CTSO: variants seen among roughly 807,000 people sequenced by gnomAD.
The protein encoded by CTSO is cathepsin O.
In CTSO, 40 loss-of-function variants were observed where a neutral mutation model predicts 42.4. The ratio of observed to expected loss-of-function variants is 0.94; its 90% CI spans 0.73 to 1.23. CTSO has a LOEUF of 1.23. CTSO is among the 50% of genes most tolerant of loss of function. The probability of loss-of-function intolerance (pLI) is 0.00; values close to 1 mark genes in which losing one functional copy is unlikely to be tolerated. For synonymous variants in CTSO, 156 were observed against 146.2 expected, an observed-to-expected ratio of 1.07 and a Z score of -0.48; for missense variants, 441 against 396.0, an observed-to-expected ratio of 1.11 and a Z score of -0.96.
At chr4:155,928,651 T>C (rs1269765668) in intron 6 of CTSO, among the ~76,000 whole-genome samples, 1 of 152,180 alleles carries the variant, frequency 6.6e-6, no homozygotes, top group Non-Finnish European at 1.5e-5. Context: ...TTGAATTCAC[T>C]TCCCTTTATA....
At position 155,942,467 on chromosome 4, in the gene CTSO, A is replaced by T; in HGVS notation, c.245-11T>A. On this transcript the variant is annotated splice_polypyrimidine_tract_variant and intron_variant, in intron 2 of 7. Transcript: ENST00000433477. ...TTCTTAAATAAATGGCTGAGTAGAAACATAAAATGAAAATACAACCAATAT... is the reference window on the plus strand; with the variant it reads ...TTCTTAAATAAATGGCTGAGTAGAATCATAAAATGAAAATACAACCAATAT... 2 of 1,463,222 alleles carry T rather than the reference A, an allele frequency of 1.4e-6. No individual in the cohort carries two copies. Among genetic ancestry groups the T allele is most frequent in the Non-Finnish European group, 1.8e-6 (2 of 1,101,270 alleles). 90.6% of individuals were successfully genotyped at this position (1,463,222 alleles called of 1,614,324 possible). A position where few individuals can be genotyped will look rare whatever the true frequency, so the allele number is the denominator to read the frequency against.
At position 155,939,467 on chromosome 4, in the gene CTSO, C is replaced by T; in HGVS notation, c.456G>A (p.Leu152=). 1 of 1,614,112 alleles carries T rather than the reference C, an allele frequency of 6.2e-7. No homozygotes were observed. Among genetic ancestry groups the T allele is most frequent in the South Asian group, 1.1e-5 (1 of 91,084 alleles). Residue 152 remains leucine, a synonymous_variant, in exon 4 of 8, where the codon CTG becomes CTA. Coordinates refer to ENST00000433477, the MANE Select transcript of CTSO (RefSeq NM_001334.3). ...ESAYAIKGKP[L]EDLSVQQVID... is the part of the protein sequence containing the mutation. ...TGACCTGCTGGACACTTAGGTCTTC[C>T]AGGGGCTTCCCCTTTATTGCATAAG... is the stretch of plus-strand genomic sequence containing the variant.
rs1743349066 is a variant in CTSO, at chr4:155,937,425, CA to C, written c.610del (p.Cys204AlafsTer39). Reference sequence around the variant, plus strand: ...AGAATGTGAACCAGAAAAGTAATGGCACAGACCATTTTGTGCTTTAAAAGGA... The same window carrying C: ...AGAATGTGAACCAGAAAAGTAATGGCCAGACCATTTTGTGCTTTAAAAGGA... Reference protein sequence around the residue: ...EYPFKAQNGLCHYFSGSHSGF... With the variant: ...EYPFKAQNGLXHYFSGSHSGF... On this transcript the variant is annotated frameshift_variant, in exon 5 of 8. Transcript: ENST00000433477. LOFTEE classifies it high-confidence loss of function. 2 of 1,612,690 alleles carry C rather than the reference CA, an allele frequency of 1.2e-6. No individual in the cohort carries two copies. Among genetic ancestry groups the C allele is most frequent in the Non-Finnish European group, 8.5e-7 (1 of 1,178,970 alleles).
At chr4:155,937,326 T>G in intron 5 of CTSO, 36 bp downstream of exon 5, 1 of 1,521,898 alleles carries the variant, frequency 6.6e-7, no homozygotes, top group South Asian at 1.2e-5. Flanking sequence ...AAATTAAAAA[T>G]GTATAAAGAA....
intron 4 of CTSO, among the ~76,000 whole-genome samples, chr4:155,938,489 G>A (rs189928588): frequency 1.1e-3 from 166 of 152,262 alleles, no homozygotes; most frequent in African/African-American, 3.7e-3. Context: ...CACTGTCAGG[G>A]CAAGTGCTAA....
At chr4:155,948,757 C>A (rs1189247965) in intron 1 of CTSO, among the ~76,000 whole-genome samples, 2 of 152,190 alleles carry the variant, frequency 1.3e-5, no homozygotes, top group Admixed American at 6.5e-5. Context: ...GCCCTCTTAC[C>A]TTTCCAGCTG....
At position 155,939,338 on chromosome 4, in the gene CTSO, A is replaced by G. The variant is rs773826895; in HGVS notation, c.552+33T>C. 22 of 1,537,092 alleles carry G rather than the reference A, an allele frequency of 1.4e-5. 1 individual carries two copies. The Admixed American group carries it at 3.0e-4, about 21-fold the overall frequency. On this transcript the variant is annotated intron_variant, in intron 4 of 7. Transcript: ENST00000433477. The stretch of plus-strand genomic sequence containing the variant: ...ACACAGTAAACAAGCAAAAAAGGAA[A>G]TAAAGAGTTTAAGAGGTTGAGAGAC...
rs575551100 is a variant in CTSO at position 155,927,217 on chromosome 4, C to T, written c.931+1119G>A. Among the ~76,000 whole-genome samples the T allele has an allele frequency of 3.3e-5, 5 of 152,282 alleles. No individual in the cohort carries two copies. In the East Asian group the frequency reaches 9.6e-4, roughly 29 times the overall value. ...TTAATAGTCATTGAACATAAACTTT[C>T]AAATTTTTCTGTAACTATTTAATCA... On this transcript the variant is annotated intron_variant, in intron 7 of 7. Transcript: ENST00000433477.
At chr4:155,935,267 A>G (rs1020343104) in intron 5 of CTSO, among the ~76,000 whole-genome samples, 2 of 152,126 alleles carry the variant, frequency 1.3e-5, no homozygotes, top group South Asian at 2.1e-4. Flanking sequence ...TGTAAGTCCA[A>G]TTAAACCTCT....
At chr4:155,947,130 G>C (rs1743563081) in intron 1 of CTSO, among the ~76,000 whole-genome samples, 1 of 152,162 alleles carries the variant, frequency 6.6e-6, no homozygotes, top group African/African-American at 2.4e-5. Flanking sequence ...AGAGTGCTGG[G>C]ATCACAGGCA....
chr4:155,934,298 T>C (rs2110913240), intron 5 of CTSO, among the ~76,000 whole-genome samples: 1 of 152,278 alleles, frequency 6.6e-6, no homozygotes, highest in Middle Eastern at 3.4e-3. Flanking sequence ...CACCTAGATT[T>C]CAGAAGATGT....
chr4:155,939,634 C>T, intron 3 of CTSO, 96 bp from the exon 4 acceptor site: 1 of 1,158,452 alleles, frequency 8.6e-7, no homozygotes, highest in Non-Finnish European at 1.2e-6. Flanking sequence ...AGTAAGGCTT[C>T]CAGATTCTGG....
At chr4:155,948,118 G>A (rs1358131215) in intron 1 of CTSO, among the ~76,000 whole-genome samples, 1 of 152,056 alleles carries the variant, frequency 6.6e-6, no homozygotes, top group Non-Finnish European at 1.5e-5. Flanking sequence ...TACAAAGGGA[G>A]ATACCAGATT....
In CTSO at chr4:155,926,067, A is replaced by G; in HGVS notation, c.935T>C (p.Ile312Thr). ...AAATATAGAAGAAACGGAATCTGCA[A>G]TACCTAAGGGAAAAAAAAGGAATTA... Reference protein sequence around the residue: ...HVKMGSNVCGIADSVSSIFV With the variant: ...HVKMGSNVCGTADSVSSIFV Residue 312 changes from isoleucine (I) to threonine (T), a missense_variant, in exon 8 of 8, where the codon ATT becomes ACT. Transcript: ENST00000433477. 6.5e-7 allele frequency: 1 copy of G among 1,529,642 alleles called. No homozygotes were observed. Among genetic ancestry groups the G allele is most frequent in the Non-Finnish European group, 8.8e-7 (1 of 1,135,994 alleles). The allele number at this position is 1,529,642 out of a possible 1,614,324, so 94.8% of individuals were successfully genotyped here.
chr4:155,932,050 C>A (rs1328908738), intron 5 of CTSO, among the ~76,000 whole-genome samples: 1 of 151,900 alleles, frequency 6.6e-6, no homozygotes, highest in Non-Finnish European at 1.5e-5. Context: ...GTAGTAGGTT[C>A]CTACAGTTTT....
At chr4:155,948,386 T>A (rs1200298386) in intron 1 of CTSO, among the ~76,000 whole-genome samples, 1 of 152,036 alleles carries the variant, frequency 6.6e-6, no homozygotes, top group African/African-American at 2.4e-5. Flanking sequence ...TGTGTGTGTG[T>A]GTGTGTGTGT....
At chr4:155,940,655 C>T (rs867587681) in intron 3 of CTSO, among the ~76,000 whole-genome samples, 6 of 152,030 alleles carry the variant, frequency 3.9e-5, no homozygotes, top group Non-Finnish European at 8.8e-5. Flanking sequence ...CCAGCCTGAC[C>T]AACATGGTGA....
intron 1 of CTSO, among the ~76,000 whole-genome samples, chr4:155,952,421 T>C (rs1336249065): frequency 6.6e-6 from 1 of 152,236 alleles, no homozygotes; most frequent in Non-Finnish European, 1.5e-5. Flanking sequence ...ATATTATTTT[T>C]AGGAGCCTGA....
chr4:155,942,132 A>C (rs1743447681), intron 3 of CTSO, among the ~76,000 whole-genome samples, 185 bp downstream of exon 3: 1 of 152,170 alleles, frequency 6.6e-6, no homozygotes. Context: ...TTCAGAAATA[A>C]AAGTCAGGGC....
Sources: gnomAD v4.1 joint callset for allele counts (sites outside exome capture counted in the v4.1 genomes callset) on GRCh38, gnomAD v4.1.1 for gene constraint, MANE v1.5 for transcripts, NCBI Gene and HGNC (gene_info 2026-07-23, HGNC 2026-07-21) for gene names.